Variants in BTG4 observed in about 807,000 individuals in gnomAD.
BTG4 encodes protein BTG4.
A neutral mutation model predicts 19.3 loss-of-function variants in BTG4; 10 were observed. The ratio of observed to expected loss-of-function variants is 0.52; its 90% confidence interval spans 0.32 to 0.88. The LOEUF (loss-of-function observed/expected upper bound fraction) is 0.88, where lower values mean the gene tolerates loss of function less well. Ranked by LOEUF, BTG4 falls within the 40% of genes least tolerant of loss-of-function variation. The probability of loss-of-function intolerance (pLI) is 0.04; values close to 1 mark genes in which losing one functional copy is unlikely to be tolerated. For synonymous variants in BTG4, 91 were observed against 95.7 expected (o/e 0.95, Z 0.29); for missense variants, 238 against 281.9 (o/e 0.84, Z 1.11).
the BTG4 span, among the ~76,000 whole-genome samples, chr11:111,445,157 C>T: frequency 6.6e-6 from 1 of 152,186 alleles, no homozygotes; most frequent in Non-Finnish European, 1.5e-5. Flanking sequence ...GGGACTTGCC[C>T]TCATTCTGCC....
upstream of BTG4, among the ~76,000 whole-genome samples, chr11:111,512,693 G>A (rs1867037228): frequency 6.6e-6 from 1 of 152,142 alleles, no homozygotes; most frequent in Non-Finnish European, 1.5e-5. Flanking sequence ...GGGGGTCATG[G>A]GGGTCGGGGC....
At chr11:111,429,194 C>A in the BTG4 span, among the ~76,000 whole-genome samples, 27 of 152,256 alleles carry the variant, frequency 1.8e-4, no homozygotes, top group Non-Finnish European at 2.8e-4. Context: ...AACAGTTACT[C>A]ACAAAAACCT....
the BTG4 span, among the ~76,000 whole-genome samples, chr11:111,405,404 C>CAAAAAAAAAAAAAAAAAAAAAAAAAAAAA: frequency 3.8e-5 from 2 of 53,038 alleles, no homozygotes; most frequent in African/African-American, 8.7e-5. Context: ...GACTCCGTCT[C>CAAAAAAAAAAAAAAAAAAAAAAAAAAAAA]AAAAAAAAAA....
the BTG4 span, among the ~76,000 whole-genome samples, chr11:111,452,941 C>T: frequency 6.6e-6 from 1 of 151,834 alleles, no homozygotes. Context: ...GGAGGGGGTA[C>T]GCAGTGGGGA....
At chr11:111,401,283 G>A in the BTG4 span, among the ~76,000 whole-genome samples, 2,936 of 152,058 alleles carry the variant, frequency 0.019, 40 homozygotes, top group Middle Eastern at 0.048. Flanking sequence ...TCAGGAGATC[G>A]AGACCATCCT....
At chr11:111,457,921 A>G in the BTG4 span, 1 of 152,516 alleles carries the variant, frequency 6.6e-6, no homozygotes. Context: ...TTGTGGAGCC[A>G]CTGAGCAGGA....
At chr11:111,426,689 G>A in the BTG4 span, among the ~76,000 whole-genome samples, 139,796 of 151,950 alleles carry the variant, frequency 0.92, 64,671 homozygotes, top group East Asian at 1. Context: ...AGATGAGAAA[G>A]ACCAGATCAG....
the BTG4 span, among the ~76,000 whole-genome samples, chr11:111,441,981 C>T: frequency 6.6e-5 from 10 of 151,778 alleles, no homozygotes; most frequent in Admixed American, 5.3e-4. Flanking sequence ...ATCACTTGAA[C>T]CCGGGAGGAG....
At chr11:111,389,614 G>T in the BTG4 span, among the ~76,000 whole-genome samples, 1 of 152,234 alleles carries the variant, frequency 6.6e-6, no homozygotes, top group Admixed American at 6.5e-5. Context: ...ATGGTAGCTA[G>T]TTCTGTTATT....
the BTG4 span, among the ~76,000 whole-genome samples, chr11:111,426,438 A>G: frequency 6.6e-6 from 1 of 152,206 alleles, no homozygotes; most frequent in African/African-American, 2.4e-5. Flanking sequence ...CACACAATAG[A>G]GAGAATGTAC....
At chr11:111,465,213 G>A (rs1863650950), downstream of BTG4, among the ~76,000 whole-genome samples, 1 of 152,128 alleles carries the variant, frequency 6.6e-6, no homozygotes. Context: ...AACAGAAAAT[G>A]CATGTGTGCC....
chr11:111,411,564 C>T, the BTG4 span, among the ~76,000 whole-genome samples: 2 of 152,182 alleles, frequency 1.3e-5, no homozygotes, highest in Admixed American at 6.5e-5. Context: ...CATGGACACA[C>T]TATCTTGTAC....
At chr11:111,496,313 T>C (rs931700359) in intron 4 of BTG4, among the ~76,000 whole-genome samples, 2 of 152,210 alleles carry the variant, frequency 1.3e-5, no homozygotes, top group African/African-American at 2.4e-5. Flanking sequence ...ACTTTCTACA[T>C]GGTGTTTCGG....
At chr11:111,416,809 A>G in the BTG4 span, 1 of 152,240 alleles carries the variant, frequency 6.6e-6, no homozygotes, top group Non-Finnish European at 1.5e-5. Context: ...GATACTGTGT[A>G]GGCCCAGCAC....
intron 1 of BTG4, among the ~76,000 whole-genome samples, chr11:111,507,386 ATTG>A (rs2135730596): frequency 6.6e-6 from 1 of 151,864 alleles, no homozygotes; most frequent in Non-Finnish European, 1.5e-5. Context: ...TTTGTTTTTT[ATTG>A]TTTTTCATTT....
chr11:111,453,773 A>G, the BTG4 span, among the ~76,000 whole-genome samples: 2 of 152,376 alleles, frequency 1.3e-5, no homozygotes, highest in African/African-American at 2.4e-5. Context: ...CATAGGCAAT[A>G]TAGAGCAGGA....
At chr11:111,474,343 G>C (rs1289211062) in intron 5 of BTG4, among the ~76,000 whole-genome samples, 2 of 152,128 alleles carry the variant, frequency 1.3e-5, no homozygotes, top group Non-Finnish European at 2.9e-5. Context: ...CCTCCTTCTA[G>C]TCACATGTTC....
intron 1 of BTG4, among the ~76,000 whole-genome samples, chr11:111,503,012 CACTT>C (rs1866200134): frequency 6.6e-6 from 1 of 152,184 alleles, no homozygotes; most frequent in South Asian, 2.1e-4. Flanking sequence ...AATTAACACT[CACTT>C]AGTGACTATT....
upstream of BTG4, chr11:111,513,037 C>G (rs909364630): frequency 2.2e-6 from 1 of 459,508 alleles, no homozygotes; most frequent in South Asian, 1.6e-5. Flanking sequence ...CACCGCCGCC[C>G]GGCCGGGAAG....
Sources: allele counts gnomAD v4.1 joint callset (sites outside exome capture counted in the v4.1 genomes callset), GRCh38; gene constraint gnomAD v4.1.1; transcripts MANE v1.5; gene names NCBI Gene and HGNC (gene_info 2026-07-23, HGNC 2026-07-21).